SLC38A7: variants seen among roughly 807,000 people sequenced by gnomAD.
The protein encoded by SLC38A7 is sodium-coupled neutral amino acid transporter 7.
A neutral mutation model predicts 50.1 loss-of-function variants in SLC38A7; 29 were observed. The observed-to-expected ratio is 0.58, with a 90% CI of 0.43 to 0.79. The LOEUF (loss-of-function observed/expected upper bound fraction) is 0.79, where lower values mean the gene tolerates loss of function less well. Among genes scored for constraint, SLC38A7 ranks in the 30% least tolerant of loss-of-function variants. The pLI, the probability that SLC38A7 is intolerant of heterozygous loss-of-function variation, is 0.00. For synonymous variants in SLC38A7, 244 were observed against 245.9 expected, an observed-to-expected ratio of 0.99 and a Z score of 0.07; for missense variants, 483 against 610.6, an observed-to-expected ratio of 0.79 and a Z score of 2.20.
At chr16:58,669,560 T>TG (rs2044117797) in intron 11 of SLC38A7, among the ~76,000 whole-genome samples, 1 of 152,006 alleles carries the variant, frequency 6.6e-6, no homozygotes, top group African/African-American at 2.4e-5. Context: ...AGAAAGGATG[T>TG]GGGGGCGAGT....
At chr16:58,674,899 CA>C (rs760892239) in intron 8 of SLC38A7, among the ~76,000 whole-genome samples, 42 of 152,230 alleles carry the variant, frequency 2.8e-4, no homozygotes, top group Admixed American at 9.2e-4. Flanking sequence ...CAGCCAGAGC[CA>C]CCTTTCCCCG....
At chr16:58,680,385 G>A in intron 2 of SLC38A7, 144 bp from the exon 3 acceptor site, 1 of 386,290 alleles carries the variant, frequency 2.6e-6, no homozygotes, top group East Asian at 3.8e-5. Flanking sequence ...GGGTGCCAGA[G>A]TATGGGGAGA....
At chr16:58,672,277 T>G (rs1410751302) in intron 8 of SLC38A7, 34 bp from the exon 9 acceptor site, 7 of 1,560,394 alleles carry the variant, frequency 4.5e-6, no homozygotes, top group Non-Finnish European at 6.1e-6. Flanking sequence ...AGGGCAACCC[T>G]GGGAGGGTAG....
intron 11 of SLC38A7, among the ~76,000 whole-genome samples, chr16:58,669,532 G>T (rs2044117291): frequency 6.6e-6 from 1 of 152,134 alleles, no homozygotes; most frequent in Non-Finnish European, 1.5e-5. Flanking sequence ...GACCATACTG[G>T]TAACATGGAG....
intron 8 of SLC38A7, among the ~76,000 whole-genome samples, chr16:58,673,664 G>GTTTTT (rs34674682): frequency 7.8e-6 from 1 of 128,916 alleles, no homozygotes; most frequent in African/African-American, 2.9e-5. Context: ...GTGCCTGGCC[G>GTTTTT]TTTTTTTTTT....
rs1382748185 is a variant in SLC38A7 at position 58,679,874 on chromosome 16, C to T, written c.253G>A (p.Gly85Ser). 6.2e-7 allele frequency: 1 copy of T among 1,613,816 alleles called. No homozygotes were observed. The highest frequency in any genetic ancestry group is 2.2e-5 in the East Asian group (1 of 44,890). The change falls in exon 3 of 12, where the codon GGC becomes AGC. Residue 85 changes from glycine to serine, a missense_variant. Coordinates refer to ENST00000219320, the MANE Select transcript of SLC38A7 (RefSeq NM_018231.3). ...AFSTAGGVAAGIALQMGMLVF... is the reference protein window; with the variant it reads ...AFSTAGGVAASIALQMGMLVF... ...GCACTCACCATCTGCAGTGCGATGCCTGCTGCCACGCCCCCCGCAGTGCTG... is the reference window on the plus strand; with the variant it reads ...GCACTCACCATCTGCAGTGCGATGCTTGCTGCCACGCCCCCCGCAGTGCTG...
At chr16:58,675,867 G>A in intron 8 of SLC38A7, 73 bp downstream of exon 8, 1 of 1,205,018 alleles carries the variant, frequency 8.3e-7, no homozygotes, top group Non-Finnish European at 1.2e-6. Context: ...GGAAAGCTAG[G>A]CCCCAGGACC....
chr16:58,676,256 G>A (rs768373336), intron 7 of SLC38A7, 33 bp downstream of exon 7: 30 of 1,613,908 alleles, frequency 1.9e-5, no homozygotes, highest in Non-Finnish European at 2.5e-5. Flanking sequence ...TGATCTAAGG[G>A]GACAGCAGGG....
chr16:58,670,925 AT>A, intron 10 of SLC38A7, 119 bp downstream of exon 10: 6 of 1,048,304 alleles, frequency 5.7e-6, no homozygotes, highest in Non-Finnish European at 8.6e-6. Context: ...GAGACAGGTG[AT>A]CAATTAGTGC....
chr16:58,668,275 T>TA (rs1334605176), intron 11 of SLC38A7, among the ~76,000 whole-genome samples: 1 of 147,840 alleles, frequency 6.8e-6, no homozygotes, highest in Non-Finnish European at 1.5e-5. Flanking sequence ...CCGTCTCTAC[T>TA]AAAAAAATAC....
intron 2 of SLC38A7, among the ~76,000 whole-genome samples, chr16:58,682,464 T>A (rs1048436789): frequency 1.3e-5 from 2 of 152,034 alleles, no homozygotes; most frequent in Admixed American, 6.6e-5. Flanking sequence ...CCTGGTTTAG[T>A]CTTTATTTAT....
At chr16:58,676,715 G>A (rs189667412) in intron 6 of SLC38A7, among the ~76,000 whole-genome samples, 2 of 152,210 alleles carry the variant, frequency 1.3e-5, no homozygotes, top group Admixed American at 6.5e-5. Context: ...GCAGTGGCGC[G>A]ATCTCGGCTC....
chr16:58,672,246 G>T lies in SLC38A7; in HGVS notation c.884-3C>A. ...AAAGGTCAGGAAGCCACAGATGCCT[G>T]TGGGCAGGGACAACTGGGTCAGGGC... On this transcript the variant is annotated splice_polypyrimidine_tract_variant and splice_region_variant and intron_variant, in intron 8 of 11. Transcript: ENST00000219320. 1 of 1,579,282 alleles carries T rather than the reference G, an allele frequency of 6.3e-7. No homozygotes were observed. The highest frequency in any genetic ancestry group is 8.6e-7 in the Non-Finnish European group (1 of 1,162,222).
At chr16:58,676,412 C>T (rs2044268291) in intron 6 of SLC38A7, 66 bp from the exon 7 acceptor site, 1 of 1,573,540 alleles carries the variant, frequency 6.4e-7, no homozygotes, top group Non-Finnish European at 8.7e-7. Flanking sequence ...ACCCCACGCC[C>T]TCACTCTTCG....
Position 58,666,176 on chromosome 16 carries a change from C to CT in SLC38A7, c.*1208dup. 1 of 152,478 alleles carries CT rather than the reference C, an allele frequency of 6.6e-6. No homozygotes were observed. The highest frequency in any genetic ancestry group is 1.5e-5 in the Non-Finnish European group (1 of 68,154). The allele number at this position is 152,478 out of a possible 1,614,324, so 9.4% of individuals were successfully genotyped here. On this transcript the variant is annotated 3_prime_UTR_variant, in exon 12 of 12. Coordinates refer to ENST00000219320, the MANE Select transcript of SLC38A7 (RefSeq NM_018231.3). Reference sequence around the variant, plus strand: ...TGCCTCCTGGGTTTAAGCGGCTCTGCTGCCTCAGCCTCCCAAGTAGCTGGG... The same window carrying CT: ...TGCCTCCTGGGTTTAAGCGGCTCTGCTTGCCTCAGCCTCCCAAGTAGCTGGG...
At chr16:58,677,257 C>G (rs2044287519) in intron 6 of SLC38A7, 69 bp downstream of exon 6, 8 of 1,383,962 alleles carry the variant, frequency 5.8e-6, no homozygotes, top group Non-Finnish European at 8.2e-6. Context: ...CTTCTGGTTC[C>G]TGACCCAGCA....
At position 58,678,268 on chromosome 16, in the gene SLC38A7, A is replaced by G. The variant is rs2044311077; in HGVS notation, c.611+65T>C. 2.1e-6 allele frequency: 3 copies of G among 1,446,372 alleles called. No homozygotes were observed. The highest frequency in any genetic ancestry group is 3.4e-5 in the South Asian group (2 of 58,066). 89.6% of individuals were successfully genotyped at this position (1,446,372 alleles called of 1,614,324 possible). A position where few individuals can be genotyped will look rare whatever the true frequency, so the allele number is the denominator to read the frequency against. ...GCATGGAGGAGCAGGGTTCCCCAGGAGCCCTTGGGTCTACAGCTGCCCAGG... is the reference window on the plus strand; with the variant it reads ...GCATGGAGGAGCAGGGTTCCCCAGGGGCCCTTGGGTCTACAGCTGCCCAGG... On this transcript the variant is annotated intron_variant, in intron 5 of 11. Transcript: ENST00000219320. This position sits in a 1 kb window ranked among gnomAD's most constrained non-coding sequence, Gnocchi z 4.0.
In SLC38A7 at chr16:58,678,653, G is replaced by C. The variant is rs1396241719; in HGVS notation, c.469+43C>G. On this transcript the variant is annotated intron_variant, in intron 4 of 11. Coordinates refer to ENST00000219320, the MANE Select transcript of SLC38A7 (RefSeq NM_018231.3). The surrounding 1 kb of genome is among the most constrained non-coding windows in gnomAD (Gnocchi z 4.0). ...TTCCCTCCACCCCAGGATCCCTGGGGCTGATAAGAAGAGATGGGGTAGGGA... is the reference window on the plus strand; with the variant it reads ...TTCCCTCCACCCCAGGATCCCTGGGCCTGATAAGAAGAGATGGGGTAGGGA... 6.2e-7 allele frequency: 1 copy of C among 1,604,176 alleles called. No homozygotes were observed. Among genetic ancestry groups the C allele is most frequent in the African/African-American group, 1.3e-5 (1 of 74,736 alleles).
At position 58,672,261 on chromosome 16, in the gene SLC38A7, T is replaced by TG. The variant is rs375387408; in HGVS notation, c.884-19dup. ...ACAGATGCCTGTGGGCAGGGACAAC[T>TG]GGGTCAGGGCAACCCTGGGAGGGTA... is the stretch of plus-strand genomic sequence containing the variant. On this transcript the variant is annotated intron_variant, in intron 8 of 11. Transcript: ENST00000219320. The TG allele has an allele frequency of 3.5e-4, 543 of 1,573,070 alleles. No homozygotes were observed. In the African/African-American group the frequency reaches 6.4e-3, roughly 19 times the overall value.
Sources: gnomAD v4.1 joint callset for allele counts (sites outside exome capture counted in the v4.1 genomes callset) on GRCh38, gnomAD v4.1.1 for gene constraint, Gnocchi (gnomAD v3.1) non-coding constraint, MANE v1.5 for transcripts, NCBI Gene and HGNC (gene_info 2026-07-23, HGNC 2026-07-21) for gene names.